Variants in COG3 observed in about 807,000 individuals in gnomAD.
The protein encoded by COG3 is conserved oligomeric Golgi complex subunit 3.
In COG3, 32 loss-of-function variants were observed where a neutral mutation model predicts 114.1. The ratio of observed to expected loss-of-function variants is 0.28; its 90% CI spans 0.21 to 0.38. The LOEUF (loss-of-function observed/expected upper bound fraction) is 0.38, where lower values mean the gene tolerates loss of function less well. COG3 is among the 10% of genes least tolerant of loss of function. The pLI is 1.00. For missense variants in COG3, 813 were observed against 973.2 expected, an observed-to-expected ratio of 0.84 and a Z score of 2.19; for synonymous variants, 352 against 365.7, an observed-to-expected ratio of 0.96 and a Z score of 0.43.
At chr13:45,470,926 C>T (rs3014943) in intron 1 of COG3, among the ~76,000 whole-genome samples, 136,389 of 152,336 alleles carry the variant, frequency 0.9, 61,177 homozygotes, top group African/African-American at 0.92. Flanking sequence ...CCTGTGGTGC[C>T]GGGCATGGCA....
chr13:45,519,030 G>A lies in COG3; in HGVS notation c.2090G>A (p.Cys697Tyr). The change falls in exon 19 of 23, where the codon TGT (cysteine) becomes TAT (tyrosine). Residue 697 changes from cysteine to tyrosine, a missense_variant. Cys to Tyr is a radical substitution (Grantham distance 194, BLOSUM62 -2). Coordinates refer to ENST00000349995, the MANE Select transcript of COG3 (RefSeq NM_031431.4). ...GTAGACCGTCATCTGAAATCGGCCT[G>A]TGAGCAGTTTATTCAGCAGCAGACC... is the stretch of plus-strand genomic sequence containing the variant. ...KDVDRHLKSA[C>Y]EQFIQQQTKL... 1.2e-6 allele frequency: 2 copies of A among 1,614,180 alleles called. No homozygotes were observed. Among genetic ancestry groups the A allele is most frequent in the Non-Finnish European group, 1.7e-6 (2 of 1,180,016 alleles).
intron 12 of COG3, among the ~76,000 whole-genome samples, chr13:45,494,864 C>CTTTTT (rs56330728): frequency 7.6e-6 from 1 of 131,786 alleles, no homozygotes; most frequent in Admixed American, 8.0e-5. Flanking sequence ...TTTCTCTTTT[C>CTTTTT]TTTTTTTTTT....
At chr13:45,492,099 A>G (rs1175173142) in intron 10 of COG3, 60 bp from the exon 11 acceptor site, 2 of 1,016,108 alleles carry the variant, frequency 2.0e-6, no homozygotes, top group African/African-American at 1.6e-5. Flanking sequence ...GCTTTATTTC[A>G]TAAACATCAG....
chr13:45,526,287 T>C (rs2137922479), intron 20 of COG3, among the ~76,000 whole-genome samples: 1 of 151,862 alleles, frequency 6.6e-6, no homozygotes, highest in South Asian at 2.1e-4. Flanking sequence ...GGTTTTACCA[T>C]GTTGGCCAGG....
chr13:45,494,325 T>TAAAAA (rs756763419), intron 12 of COG3, among the ~76,000 whole-genome samples: 1 of 117,036 alleles, frequency 8.5e-6, no homozygotes, highest in Non-Finnish European at 1.8e-5. Flanking sequence ...GACTCTGTCT[T>TAAAAA]AAAAAAAAAA....
At chr13:45,477,879 C>T (rs1325639977) in intron 2 of COG3, among the ~76,000 whole-genome samples, 2 of 151,990 alleles carry the variant, frequency 1.3e-5, no homozygotes, top group Admixed American at 6.6e-5. Context: ...GCCTGCCTTG[C>T]CCTCCCAAAG....
Position 45,483,353 on chromosome 13 carries a change from A to G in COG3, c.841A>G (p.Arg281Gly). 1 of 1,575,908 alleles carries G rather than the reference A, an allele frequency of 6.3e-7. No homozygotes were observed. The highest frequency in any genetic ancestry group is 8.6e-7 in the Non-Finnish European group (1 of 1,163,522). Reference protein sequence around the residue: ...LQTLTSQLLKRDPSSVPNADN... With the variant: ...LQTLTSQLLKGDPSSVPNADN... ...GACCCTCACAAGTCAGTTACTGAAAAGGGTGAGTTAACTGATCTCAACAAC... is the reference window on the plus strand; with the variant it reads ...GACCCTCACAAGTCAGTTACTGAAAGGGGTGAGTTAACTGATCTCAACAAC... Residue 281 changes from arginine to glycine, a missense_variant and splice_region_variant, in exon 7 of 23, where the codon AGG (arginine) becomes GGG (glycine). Arg to Gly is a moderately radical substitution (Grantham distance 125). This residue lies in a region of COG3 where 424 missense variants were observed against 430.6 expected (regional missense o/e 0.98). Coordinates refer to ENST00000349995, the MANE Select transcript of COG3 (RefSeq NM_031431.4).
intron 8 of COG3, among the ~76,000 whole-genome samples, chr13:45,490,153 G>GATTA (rs1886932530): frequency 6.6e-6 from 1 of 152,176 alleles, no homozygotes; most frequent in South Asian, 2.1e-4. Context: ...TAAATTGGCA[G>GATTA]ATTAAGGTCA....
chr13:45,491,236 A>G (rs1887000359), intron 9 of COG3, among the ~76,000 whole-genome samples, 176 bp from the exon 10 acceptor site: 1 of 152,178 alleles, frequency 6.6e-6, no homozygotes, highest in Non-Finnish European at 1.5e-5. Flanking sequence ...ATCACAGTTC[A>G]TTATGGTTTG....
chr13:45,492,683 G>T (rs575346451), intron 11 of COG3, among the ~76,000 whole-genome samples: 1 of 151,876 alleles, frequency 6.6e-6, no homozygotes, highest in Non-Finnish European at 1.5e-5. Flanking sequence ...AGTCACTTTT[G>T]GTTTCTTAAT....
At chr13:45,491,038 AT>A in intron 9 of COG3, 80 bp downstream of exon 9, 1 of 946,964 alleles carries the variant, frequency 1.1e-6, no homozygotes, top group Non-Finnish European at 1.7e-6. Context: ...GATCTCTGAT[AT>A]TTTATGAGCA....
chr13:45,478,196 C>CT (rs61454845), intron 2 of COG3, among the ~76,000 whole-genome samples: 151 of 139,540 alleles, frequency 1.1e-3, no homozygotes, highest in African/African-American at 3.5e-3. Flanking sequence ...CTGAAATGGC[C>CT]TTTTTTTTTT....
Position 45,465,226 on chromosome 13 carries a change from G to A in COG3, c.174+16G>A. 1 of 1,611,722 alleles carries A rather than the reference G, an allele frequency of 6.2e-7. No homozygotes were observed. Among genetic ancestry groups the A allele is most frequent in the Non-Finnish European group, 8.5e-7 (1 of 1,178,696 alleles). ...GCCAGCTGAGGTGAGGTGATGGGCA[G>A]GAACCGGGCCGGGGCGATGGGGCTG... is the stretch of plus-strand genomic sequence containing the variant. On this transcript the variant is annotated intron_variant, in intron 1 of 22. Coordinates refer to ENST00000349995, the MANE Select transcript of COG3 (RefSeq NM_031431.4).
intron 20 of COG3, among the ~76,000 whole-genome samples, chr13:45,529,448 T>G (rs1009600970): frequency 4.0e-5 from 6 of 151,662 alleles, no homozygotes; most frequent in Admixed American, 2.0e-4. Flanking sequence ...TTCTTACTAG[T>G]GTCTCTCTGA....
In COG3 at chr13:45,481,295, T is replaced by C; in HGVS notation, c.615T>C (p.Thr205=). 1 of 1,550,776 alleles carries C rather than the reference T, an allele frequency of 6.4e-7. No homozygotes were observed. The part of the protein sequence containing the change: ...QKLSYFNELE[T]INTKLNSPTL... Reference sequence around the variant, plus strand: ...TTTCCTATTTTAACGAATTGGAAACTATTAACACAGTAAGCATTGTTCTTT... The same window carrying C: ...TTTCCTATTTTAACGAATTGGAAACCATTAACACAGTAAGCATTGTTCTTT... Residue 205 remains threonine (T), a synonymous_variant, in exon 5 of 23, where the codon ACT becomes ACC. Transcript: ENST00000349995.
chr13:45,480,001 T>C (rs1266199131), intron 3 of COG3, 124 bp from the exon 4 acceptor site: 4 of 692,160 alleles, frequency 5.8e-6, no homozygotes, highest in Non-Finnish European at 7.3e-6. Flanking sequence ...AATCAACTTA[T>C]GTGCATAGGC....
rs1374313549 is a variant in COG3, at chr13:45,507,592, C to A, written c.1595-2100C>A. 7.9e-5 allele frequency among the ~76,000 whole-genome samples: 12 copies of A among 151,744 alleles called. No homozygotes were observed. The East Asian group carries it at 2.3e-3, about 29-fold the overall frequency. ...CCAGCCTGACTAACATGGCAAAACC[C>A]CATCTCTACTAAAAATACAAAAATT... is the stretch of plus-strand genomic sequence containing the variant. On this transcript the variant is annotated intron_variant, in intron 14 of 22. Coordinates refer to ENST00000349995, the MANE Select transcript of COG3 (RefSeq NM_031431.4).
At chr13:45,500,630 G>A (rs1413496511) in intron 13 of COG3, among the ~76,000 whole-genome samples, 1 of 152,178 alleles carries the variant, frequency 6.6e-6, no homozygotes, top group Non-Finnish European at 1.5e-5. Flanking sequence ...CCTGCACCCA[G>A]TTGCTCCTAT....
At chr13:45,491,615 T>G in intron 10 of COG3, 77 bp downstream of exon 10, 1 of 1,374,104 alleles carries the variant, frequency 7.3e-7, no homozygotes, top group Non-Finnish European at 9.8e-7. Flanking sequence ...CTATACCTGG[T>G]TAAATAAGAT....
Sources: allele counts gnomAD v4.1 joint callset (sites outside exome capture counted in the v4.1 genomes callset), GRCh38; gene constraint gnomAD v4.1.1; regional missense constraint gnomAD v4.1.1; transcripts MANE v1.5; gene names NCBI Gene and HGNC (gene_info 2026-07-23, HGNC 2026-07-21).